The following DYM variants were observed in gnomAD, a reference collection of about 807,000 sequenced individuals.
DYM encodes the protein dymeclin.
DYM carries 78 observed loss-of-function variants against 93.1 expected under a neutral mutation model. The observed-to-expected ratio is 0.84, with a 90% CI of 0.70 to 1.01. DYM has a LOEUF of 1.01. Among genes scored for constraint, DYM ranks in the 50% least tolerant of loss-of-function variants. The probability of loss-of-function intolerance (pLI) is 0.00; values close to 1 mark genes in which losing one functional copy is unlikely to be tolerated. For synonymous variants in DYM, 321 were observed against 319.7 expected (o/e 1.00, Z -0.04); for missense variants, 789 against 845.0 (o/e 0.93, Z 0.82).
rs150570535 is a variant in DYM at position 49,273,469 on chromosome 18, T to C, written c.1126-1166A>G. On this transcript the variant is annotated intron_variant, in intron 10 of 17. Transcript: ENST00000675505. The stretch of plus-strand genomic sequence containing the variant: ...AATTCTGATTCTGGAGTTTTCAATA[T>C]GCCACATAACATTTCCATTAACAAC... Among the ~76,000 whole-genome samples, 4 of 152,312 alleles carry C rather than the reference T, an allele frequency of 2.6e-5. No individual in the cohort carries two copies. The East Asian group carries it at 5.8e-4, about 22-fold the overall frequency.
chr18:49,419,072 G>T (rs778152399), intron 2 of DYM, among the ~76,000 whole-genome samples: 28 of 152,138 alleles, frequency 1.8e-4, no homozygotes, highest in Non-Finnish European at 3.8e-4. Context: ...TTTAAGAAAA[G>T]AGAATGGTGG....
chr18:49,255,525 T>C, intron 13 of DYM, among the ~76,000 whole-genome samples: 1 of 151,442 alleles, frequency 6.6e-6, no homozygotes, highest in Non-Finnish European at 1.5e-5. Flanking sequence ...ATACAAAAAT[T>C]AGCCAGGCGT....
At chr18:49,083,357 G>A (rs983968473) in intron 17 of DYM, among the ~76,000 whole-genome samples, 2 of 152,158 alleles carry the variant, frequency 1.3e-5, no homozygotes, top group Admixed American at 6.5e-5. Flanking sequence ...GGATAAATCT[G>A]ACTTGGTTAT....
intron 5 of DYM, among the ~76,000 whole-genome samples, chr18:49,366,475 A>G (rs2066526832): frequency 6.6e-6 from 1 of 152,218 alleles, no homozygotes; most frequent in African/African-American, 2.4e-5. Flanking sequence ...GAGTTCTCTA[A>G]GAAAGAACAT....
intron 11 of DYM, among the ~76,000 whole-genome samples, chr18:49,258,835 C>CAGAG (rs2094439274): frequency 7.1e-6 from 1 of 140,450 alleles, no homozygotes; most frequent in African/African-American, 2.8e-5. Context: ...GACACACACA[C>CAGAG]ACACAGAGAG....
At chr18:49,072,058 T>C (rs1030734770) in intron 17 of DYM, among the ~76,000 whole-genome samples, 1 of 152,232 alleles carries the variant, frequency 6.6e-6, no homozygotes, top group Non-Finnish European at 1.5e-5. Flanking sequence ...GATTTTGTTT[T>C]ACAAAATGAA....
At chr18:49,150,154 G>C (rs1422482621) in intron 15 of DYM, among the ~76,000 whole-genome samples, 1 of 152,154 alleles carries the variant, frequency 6.6e-6, no homozygotes, top group Non-Finnish European at 1.5e-5. Context: ...TTCACATAGA[G>C]GTTTAAAGCA....
At chr18:49,386,906 G>A (rs529136090) in intron 3 of DYM, among the ~76,000 whole-genome samples, 5 of 150,382 alleles carry the variant, frequency 3.3e-5, no homozygotes, top group South Asian at 2.1e-4. Flanking sequence ...TCTGCATCAC[G>A]TTTTGGTAGT....
intron 17 of DYM, among the ~76,000 whole-genome samples, chr18:49,067,455 A>G (rs1474183019): frequency 1.4e-4 from 16 of 117,888 alleles, no homozygotes; most frequent in Admixed American, 2.7e-4. Flanking sequence ...TGTGAGCACT[A>G]TGGAAGTTTG....
At chr18:49,389,187 A>C (rs2068937331) in intron 3 of DYM, among the ~76,000 whole-genome samples, 1 of 152,206 alleles carries the variant, frequency 6.6e-6, no homozygotes, top group South Asian at 2.1e-4. Flanking sequence ...CCATACCATC[A>C]CATTACTGGA....
At chr18:49,300,527 G>A (rs1468703383) in intron 8 of DYM, among the ~76,000 whole-genome samples, 4 of 151,884 alleles carry the variant, frequency 2.6e-5, no homozygotes, top group African/African-American at 9.7e-5. Context: ...TTGAACCTGG[G>A]AAGCGGAAAT....
chr18:49,257,874 C>T (rs894763325), intron 12 of DYM, among the ~76,000 whole-genome samples: 1 of 151,822 alleles, frequency 6.6e-6, no homozygotes, highest in Non-Finnish European at 1.5e-5. Context: ...AAAAAAAATG[C>T]CATTTCTCTT....
intron 8 of DYM, among the ~76,000 whole-genome samples, chr18:49,328,137 A>G (rs994913099): frequency 4.6e-5 from 7 of 152,246 alleles, no homozygotes; most frequent in African/African-American, 1.7e-4. Context: ...GCCTATTATG[A>G]GAATAAATGA....
At chr18:49,438,866 T>A (rs1167243715) in intron 1 of DYM, among the ~76,000 whole-genome samples, 2 of 152,164 alleles carry the variant, frequency 1.3e-5, no homozygotes, top group Non-Finnish European at 2.9e-5. Context: ...CTGCCAAGGA[T>A]TCCAAACACA....
intron 11 of DYM, among the ~76,000 whole-genome samples, chr18:49,267,613 G>A (rs187205467): frequency 6.6e-6 from 1 of 152,288 alleles, no homozygotes; most frequent in Admixed American, 6.5e-5. Context: ...TCAATGTCAG[G>A]CTGTGCATGG....
At position 49,334,346 on chromosome 18, in the gene DYM, G is replaced by C. The variant is rs533773673; in HGVS notation, c.495-493C>G. 3.2e-4 allele frequency among the ~76,000 whole-genome samples: 49 copies of C among 152,206 alleles called. 1 individual carries two copies. The highest frequency in any genetic ancestry group is 1.2e-3 in the African/African-American group (48 of 41,532). ...TGTCTCTAGTGCCTACCTTTCTCAA[G>C]GTCAACTTTGCATGTTCAGCAAAAT... On this transcript the variant is annotated intron_variant, in intron 6 of 17. Coordinates refer to ENST00000675505, the MANE Select transcript of DYM (RefSeq NM_001353214.3).
rs3061689 is a variant in DYM, at chr18:49,308,290, G to GTA, written c.764-21676_764-21675dup. Among the ~76,000 whole-genome samples the GTA allele has an allele frequency of 3.7e-3, 541 of 145,284 alleles. 2 individuals are homozygous for GTA. The highest frequency in any genetic ancestry group is 0.017 in the East Asian group (76 of 4,408). On this transcript the variant is annotated intron_variant, in intron 8 of 17. Coordinates refer to ENST00000675505, the MANE Select transcript of DYM (RefSeq NM_001353214.3). ...AGACATTTCATACACACTTGTGTGTGTATATATATATATATATATGTATAT... is the reference window on the plus strand; with the variant it reads ...AGACATTTCATACACACTTGTGTGTGTATATATATATATATATATATGTATAT...
At position 49,341,938 on chromosome 18, in the gene DYM, G is replaced by T. The variant is rs2064193982; in HGVS notation, c.495-8085C>A. On this transcript the variant is annotated intron_variant, in intron 6 of 17. Coordinates refer to ENST00000675505, the MANE Select transcript of DYM (RefSeq NM_001353214.3). The stretch of plus-strand genomic sequence containing the variant: ...AGCACTGTATTAGTTTTACATTGCT[G>T]CCATTAACAAATCATCACAAATGTA... Among the ~76,000 whole-genome samples the T allele has an allele frequency of 2.0e-5, 3 of 152,318 alleles. No individual in the cohort carries two copies. The South Asian group carries it at 6.2e-4, about 32-fold the overall frequency.
intron 17 of DYM, among the ~76,000 whole-genome samples, chr18:49,080,845 C>T (rs1483423535): frequency 6.6e-6 from 1 of 151,332 alleles, no homozygotes; most frequent in Admixed American, 6.6e-5. Context: ...GGCAGAGACG[C>T]TCCTCACCTC....
Sources: gnomAD v4.1 joint callset for allele counts (sites outside exome capture counted in the v4.1 genomes callset) on GRCh38, gnomAD v4.1.1 for gene constraint, MANE v1.5 for transcripts, NCBI Gene and HGNC (gene_info 2026-07-23, HGNC 2026-07-21) for gene names.